The following CTNNA2 variants were observed in gnomAD, a reference collection of about 807,000 sequenced individuals.
CTNNA2 encodes catenin alpha 2.
In CTNNA2, 42 loss-of-function variants were observed where a neutral mutation model predicts 101.0. The observed-to-expected ratio is 0.42, with a 90% CI of 0.32 to 0.54. The LOEUF (loss-of-function observed/expected upper bound fraction) is 0.54, where lower values mean the gene tolerates loss of function less well. Among genes scored for constraint, CTNNA2 ranks in the 20% least tolerant of loss-of-function variants. The pLI is 0.14. For missense variants in CTNNA2, 871 were observed against 1,223.1 expected (o/e 0.71, Z 4.29); for synonymous variants, 450 against 456.4 (o/e 0.99, Z 0.18).
intron 9 of CTNNA2, among the ~76,000 whole-genome samples, chr2:80,500,903 T>C (rs189925207): frequency 6.6e-6 from 1 of 151,902 alleles, no homozygotes; most frequent in African/African-American, 2.4e-5. Context: ...AGGCTCATTT[T>C]CTAACAAGGT....
intron 2 of CTNNA2, among the ~76,000 whole-genome samples, chr2:79,290,172 A>G (rs1414440193): frequency 6.6e-6 from 1 of 152,180 alleles, no homozygotes; most frequent in African/African-American, 2.4e-5. Flanking sequence ...TCTTTTAAGT[A>G]TCAAACCAAA....
At chr2:80,471,614 T>G (rs1685310590) in intron 9 of CTNNA2, among the ~76,000 whole-genome samples, 1 of 152,190 alleles carries the variant, frequency 6.6e-6, no homozygotes, top group Non-Finnish European at 1.5e-5. Context: ...TTACCTAATT[T>G]CCAGTTTAAC....
At position 80,230,384 on chromosome 2, in the gene CTNNA2, C is replaced by T. The variant is rs1709132312; in HGVS notation, c.1057-162827C>T. Among the ~76,000 whole-genome samples the T allele has an allele frequency of 2.6e-5, 4 of 151,722 alleles. No homozygotes were observed. In the South Asian group the frequency reaches 8.3e-4, roughly 32 times the overall value. On this transcript the variant is annotated intron_variant, in intron 7 of 18. Transcript: ENST00000402739. Reference sequence around the variant, plus strand: ...GTGGTAGGATTGTAGGTGTAAGCCACTGCACTGGTCTATATTCATTATTAT... The same window carrying T: ...GTGGTAGGATTGTAGGTGTAAGCCATTGCACTGGTCTATATTCATTATTAT...
chr2:79,769,662 C>T lies in CTNNA2; in HGVS notation c.298+25080C>T, dbSNP rs186282660. On this transcript the variant is annotated intron_variant, in intron 3 of 18. Transcript: ENST00000402739. ...CATTAGTTACGTTTTGAACTACTGG[C>T]CTCATAGCAGAAGTCTCTTAAATTC... Among the ~76,000 whole-genome samples, 6 of 152,026 alleles carry T rather than the reference C, an allele frequency of 3.9e-5. No individual in the cohort carries two copies. The East Asian group carries it at 1.2e-3, about 30-fold the overall frequency.
intron 18 of CTNNA2, among the ~76,000 whole-genome samples, chr2:80,626,723 T>A (rs12619021): frequency 0.36 from 55,013 of 151,950 alleles, 10,733 homozygotes; most frequent in East Asian, 0.45. Flanking sequence ...TTCTTTTTTT[T>A]AATTATTAGA....
intron 4 of CTNNA2, among the ~76,000 whole-genome samples, chr2:79,437,401 TCA>T (rs1678728942): frequency 6.6e-6 from 1 of 152,182 alleles, no homozygotes; most frequent in South Asian, 2.1e-4. Flanking sequence ...CCTGCATTCC[TCA>T]CAGCTCCCAG....
At chr2:80,243,950 A>G (rs929198266) in intron 7 of CTNNA2, among the ~76,000 whole-genome samples, 2 of 152,158 alleles carry the variant, frequency 1.3e-5, no homozygotes, top group African/African-American at 4.8e-5. Context: ...TGCAGTTTCT[A>G]CTAGGGGACA....
At chr2:79,653,286 C>T (rs1033182190) in intron 2 of CTNNA2, among the ~76,000 whole-genome samples, 4 of 138,048 alleles carry the variant, frequency 2.9e-5, no homozygotes, top group African/African-American at 1.0e-4. Context: ...CCATCTCCTA[C>T]CTGTAGAATT....
intron 4 of CTNNA2, among the ~76,000 whole-genome samples, chr2:79,391,161 T>C (rs1467435638): frequency 6.6e-6 from 1 of 152,098 alleles, no homozygotes; most frequent in East Asian, 1.9e-4. Flanking sequence ...TTTTTGGAGT[T>C]CTTAGAATGG....
chr2:79,324,240 C>A (rs905543910), intron 3 of CTNNA2, among the ~76,000 whole-genome samples: 7 of 152,182 alleles, frequency 4.6e-5, no homozygotes, highest in Non-Finnish European at 1.0e-4. Context: ...CATAGGGGCA[C>A]CCACCTGGAG....
At chr2:79,484,684 T>C (rs1671141584) in intron 4 of CTNNA2, among the ~76,000 whole-genome samples, 2 of 152,150 alleles carry the variant, frequency 1.3e-5, no homozygotes, top group Non-Finnish European at 2.9e-5. Flanking sequence ...ATAGGTGAGC[T>C]ATCCTGAGCT....
intron 4 of CTNNA2, among the ~76,000 whole-genome samples, chr2:79,408,978 G>A (rs371632908): frequency 1.6e-4 from 24 of 151,576 alleles, no homozygotes; most frequent in Admixed American, 6.6e-4. Flanking sequence ...CTGACTTTTT[G>A]ATGATTGCCA....
chr2:79,567,960 C>T, intron 1 of CTNNA2, among the ~76,000 whole-genome samples: 1 of 152,106 alleles, frequency 6.6e-6, no homozygotes, highest in African/African-American at 2.4e-5. Context: ...GCAGACTTGG[C>T]AGGGCAGAAG....
At chr2:80,489,139 G>A (rs1177188828) in intron 9 of CTNNA2, among the ~76,000 whole-genome samples, 3 of 152,214 alleles carry the variant, frequency 2.0e-5, no homozygotes, top group East Asian at 3.9e-4. Context: ...TGAATGAGGT[G>A]ACAGCATTCA....
intron 7 of CTNNA2, among the ~76,000 whole-genome samples, chr2:80,307,617 C>G (rs1388468028): frequency 6.6e-6 from 1 of 152,140 alleles, no homozygotes; most frequent in African/African-American, 2.4e-5. Context: ...TCTCTTCTTC[C>G]CGGGTGACCA....
At position 80,178,243 on chromosome 2, in the gene CTNNA2, G is replaced by A. The variant is rs527410884; in HGVS notation, c.1057-214968G>A. Among the ~76,000 whole-genome samples the A allele has an allele frequency of 2.0e-5, 3 of 152,300 alleles. No homozygotes were observed. In the South Asian group the frequency reaches 6.2e-4, roughly 32 times the overall value. On this transcript the variant is annotated intron_variant, in intron 7 of 18. Transcript: ENST00000402739. ...TACATACATATCATTTACATTTGAT[G>A]ATGGAATGGTGCTGTACATTCCCCC...
intron 7 of CTNNA2, among the ~76,000 whole-genome samples, chr2:80,213,148 T>C (rs1466246391): frequency 6.6e-6 from 1 of 152,154 alleles, no homozygotes; most frequent in African/African-American, 2.4e-5. Context: ...ATTTTGTTGA[T>C]CTTTTCAAAA....
chr2:79,909,690 A>G lies in CTNNA2; in HGVS notation c.949A>G (p.Met317Val), dbSNP rs1279758031. The G allele has an allele frequency of 6.2e-7, 1 of 1,613,506 alleles. No individual in the cohort carries two copies. Among genetic ancestry groups the G allele is most frequent in the East Asian group, 2.2e-5 (1 of 44,888 alleles). Reference protein sequence around the residue: ...LESIISGAALMADSSCTRDDR... With the variant: ...LESIISGAALVADSSCTRDDR... Reference sequence around the variant, plus strand: ...GAGCATCATCAGCGGCGCAGCGCTGATGGCCGACTCCTCCTGCACGCGAGA... The same window carrying G: ...GAGCATCATCAGCGGCGCAGCGCTGGTGGCCGACTCCTCCTGCACGCGAGA... The change falls in exon 7 of 19, where the codon ATG (methionine) becomes GTG (valine). Residue 317 changes from methionine (M) to valine (V), a missense_variant. By Grantham distance (21) the Met-to-Val change is conservative. Around this residue, in one of 5 missense-constraint regions of CTNNA2, gnomAD observed 647 missense variants for 831.5 expected, o/e 0.78. Coordinates refer to ENST00000402739, the MANE Select transcript of CTNNA2 (RefSeq NM_001282597.3).
chr2:80,269,468 C>T (rs1161047484), intron 7 of CTNNA2, among the ~76,000 whole-genome samples: 1 of 152,118 alleles, frequency 6.6e-6, no homozygotes, highest in Non-Finnish European at 1.5e-5. Flanking sequence ...CGGGTATATC[C>T]TTATAGCAAT....
Sources: gnomAD v4.1 joint callset for allele counts (sites outside exome capture counted in the v4.1 genomes callset) on GRCh38, gnomAD v4.1.1 for gene constraint, gnomAD v4.1.1 regional missense constraint, MANE v1.5 for transcripts, NCBI Gene and HGNC (gene_info 2026-07-23, HGNC 2026-07-21) for gene names.